The following ADGRB3 variants were observed in gnomAD, a reference collection of about 807,000 sequenced individuals.
ADGRB3 encodes the protein adhesion G protein-coupled receptor B3.
A neutral mutation model predicts 193.4 loss-of-function variants in ADGRB3; 37 were observed. The observed-to-expected ratio is 0.19, with a 90% confidence interval of 0.15 to 0.25. ADGRB3 has a LOEUF of 0.25. Ranked by LOEUF, ADGRB3 falls within the 10% of genes least tolerant of loss-of-function variation. The pLI is 1.00. For missense variants in ADGRB3, 1,637 were observed against 1,852.9 expected, an observed-to-expected ratio of 0.88 and a Z score of 2.14; for synonymous variants, 690 against 644.2, an observed-to-expected ratio of 1.07 and a Z score of -1.08.
intron 3 of ADGRB3, among the ~76,000 whole-genome samples, chr6:68,901,156 T>C (rs1479980611): frequency 6.6e-6 from 1 of 152,096 alleles, no homozygotes; most frequent in Non-Finnish European, 1.5e-5. Context: ...GTTCCTAACT[T>C]AGCTGCATAC....
intron 3 of ADGRB3, among the ~76,000 whole-genome samples, chr6:68,840,810 A>G (rs756664899): frequency 1.3e-5 from 2 of 152,212 alleles, no homozygotes; most frequent in Non-Finnish European, 2.9e-5. Context: ...GACATAGAGT[A>G]GACAAATGGA....
intron 3 of ADGRB3, among the ~76,000 whole-genome samples, chr6:68,652,705 T>C (rs1582099113): frequency 1.3e-5 from 2 of 152,310 alleles, no homozygotes; most frequent in South Asian, 4.1e-4. Context: ...ATTTGGGTGG[T>C]ATTCATTCTG....
chr6:69,233,215 T>C, intron 17 of ADGRB3, 75 bp from the exon 18 acceptor site: 1 of 1,560,698 alleles, frequency 6.4e-7, no homozygotes, highest in Non-Finnish European at 8.7e-7. Context: ...TCAATTAAAC[T>C]GCATTTTCTT....
chr6:69,031,395 C>G (rs1770679361), intron 13 of ADGRB3, among the ~76,000 whole-genome samples: 1 of 146,652 alleles, frequency 6.8e-6, no homozygotes, highest in African/African-American at 2.5e-5. Context: ...GAGCCGAGAT[C>G]ATGCCACTGC....
At position 69,345,282 on chromosome 6, in the gene ADGRB3, G is replaced by A. The variant is rs184631200; in HGVS notation, c.3459+5778G>A. 8.2e-4 allele frequency among the ~76,000 whole-genome samples: 125 copies of A among 152,216 alleles called. 1 individual carries two copies. Among genetic ancestry groups the A allele is most frequent in the Non-Finnish European group, 1.5e-3 (105 of 67,998 alleles). ...ACATTTTGAGGTTGTACTGATTCTA[G>A]CATTTTGAGCTTGCTCAGAAGAAAA... On this transcript the variant is annotated intron_variant, in intron 26 of 31. Coordinates refer to ENST00000370598, the MANE Select transcript of ADGRB3 (RefSeq NM_001704.3).
At chr6:69,143,289 C>T (rs760124664) in intron 17 of ADGRB3, among the ~76,000 whole-genome samples, 9 of 151,824 alleles carry the variant, frequency 5.9e-5, no homozygotes, top group Non-Finnish European at 1.3e-4. Flanking sequence ...TTATTGATCT[C>T]TTGTCAGATG....
intron 3 of ADGRB3, among the ~76,000 whole-genome samples, chr6:68,917,967 C>T (rs1766928585): frequency 6.6e-6 from 1 of 152,090 alleles, no homozygotes; most frequent in East Asian, 1.9e-4. Context: ...TATTTTAAGT[C>T]AATTGTATCC....
intron 13 of ADGRB3, among the ~76,000 whole-genome samples, chr6:69,032,264 A>G (rs1770735259): frequency 6.6e-6 from 1 of 152,232 alleles, no homozygotes; most frequent in African/African-American, 2.4e-5. Context: ...CACCAATAAC[A>G]TAAATGGGAA....
intron 3 of ADGRB3, among the ~76,000 whole-genome samples, chr6:68,685,845 A>G (rs1432385855): frequency 6.6e-6 from 1 of 152,126 alleles, no homozygotes; most frequent in East Asian, 1.9e-4. Context: ...GTGAGCCAAG[A>G]TGGCGCCACT....
chr6:69,031,064 CTCTT>C (rs56308801), intron 13 of ADGRB3, among the ~76,000 whole-genome samples: 5,850 of 49,134 alleles, frequency 0.12, 1,114 homozygotes, highest in Middle Eastern at 0.43. Context: ...CTCTTCTCTT[CTCTT>C]CTCTTCTCTT....
intron 3 of ADGRB3, among the ~76,000 whole-genome samples, chr6:68,663,542 G>A (rs1019049099): frequency 6.6e-6 from 1 of 151,694 alleles, no homozygotes; most frequent in Non-Finnish European, 1.5e-5. Flanking sequence ...TACTATCCAT[G>A]TGTGTTTTGC....
chr6:68,791,491 A>G (rs1767107263), intron 3 of ADGRB3, among the ~76,000 whole-genome samples: 1 of 152,122 alleles, frequency 6.6e-6, no homozygotes, highest in Non-Finnish European at 1.5e-5. Context: ...TTGACTGTTT[A>G]GGAAAATTCA....
At chr6:68,812,452 G>A (rs896182958) in intron 3 of ADGRB3, among the ~76,000 whole-genome samples, 1 of 152,024 alleles carries the variant, frequency 6.6e-6, no homozygotes, top group Admixed American at 6.6e-5. Flanking sequence ...TGTAACAGAA[G>A]AATTTAAGTG....
chr6:68,790,405 T>G (rs2127366221), intron 3 of ADGRB3, among the ~76,000 whole-genome samples: 1 of 152,302 alleles, frequency 6.6e-6, no homozygotes, highest in East Asian at 1.9e-4. Flanking sequence ...CTCTGCAGAC[T>G]TAAATGTCCC....
chr6:69,186,178 C>CAAAAA (rs70987457), intron 17 of ADGRB3, among the ~76,000 whole-genome samples: 160 of 107,430 alleles, frequency 1.5e-3, no homozygotes, highest in African/African-American at 4.8e-3. Context: ...AATGAAATAG[C>CAAAAA]AAAAAAAAAA....
intron 20 of ADGRB3, among the ~76,000 whole-genome samples, chr6:69,254,215 G>T (rs1766697649): frequency 6.6e-6 from 1 of 152,092 alleles, no homozygotes; most frequent in Non-Finnish European, 1.5e-5. Flanking sequence ...TTTAAAAGTA[G>T]GTAGTATTCT....
At chr6:69,043,290 G>GAGAAAGAAAGAAAGAAAGAAGAA (rs1771130179) in intron 13 of ADGRB3, among the ~76,000 whole-genome samples, 1 of 88,032 alleles carries the variant, frequency 1.1e-5, no homozygotes, top group African/African-American at 4.7e-5. Flanking sequence ...GGAAGAAAGA[G>GAGAAAGAAAGAAAGAAAGAAGAA]AGAAAGAAAG....
In ADGRB3 at chr6:68,993,774, G is replaced by C; in HGVS notation, c.1741G>C (p.Glu581Gln). ...GTTCTTTTGACCATCACAGATTAAAGAGCACCTTGCTAAGGGGCAGCGAAT... is the reference window on the plus strand; with the variant it reads ...GTTCTTTTGACCATCACAGATTAAACAGCACCTTGCTAAGGGGCAGCGAAT... ...EYRHLQHSIK[E>Q]HLAKGQRMLA... The change falls in exon 11 of 32, where the codon GAG (glutamate) becomes CAG (glutamine). Residue 581 changes from glutamate to glutamine, a missense_variant. By Grantham distance (29) the Glu-to-Gln change is conservative. Coordinates refer to ENST00000370598, the MANE Select transcript of ADGRB3 (RefSeq NM_001704.3). 1.2e-6 allele frequency: 2 copies of C among 1,613,122 alleles called. No individual in the cohort carries two copies. Among genetic ancestry groups the C allele is most frequent in the Non-Finnish European group, 1.7e-6 (2 of 1,179,324 alleles).
At chr6:69,069,151 A>G (rs1017170710) in intron 16 of ADGRB3, among the ~76,000 whole-genome samples, 3 of 152,190 alleles carry the variant, frequency 2.0e-5, no homozygotes, top group African/African-American at 7.2e-5. Flanking sequence ...TTAAAATACT[A>G]AAATATGGAA....
Sources: gnomAD v4.1 joint callset for allele counts (sites outside exome capture counted in the v4.1 genomes callset) on GRCh38, gnomAD v4.1.1 for gene constraint, MANE v1.5 for transcripts, NCBI Gene and HGNC (gene_info 2026-07-23, HGNC 2026-07-21) for gene names.